Variants in LRP11 observed in about 807,000 individuals in gnomAD.
The protein encoded by LRP11 is low-density lipoprotein receptor-related protein 11.
A neutral mutation model predicts 43.1 loss-of-function variants in LRP11; 25 were observed. That is an observed-to-expected ratio of 0.58 (90% confidence interval 0.42 to 0.81). The LOEUF is 0.81. LRP11 is among the 30% of genes least tolerant of loss of function. The pLI is 0.00. For missense variants in LRP11, 623 were observed against 665.1 expected (o/e 0.94, Z 0.70); for synonymous variants, 316 against 299.4 (o/e 1.06, Z -0.57).
intron 2 of LRP11, among the ~76,000 whole-genome samples, chr6:149,851,874 G>T (rs1025117053): frequency 6.6e-6 from 1 of 152,154 alleles, no homozygotes; most frequent in African/African-American, 2.4e-5. Context: ...CCACATGGCT[G>T]GGGAGGCCTC....
At chr6:149,855,121 C>G (rs1294204465) in intron 1 of LRP11, among the ~76,000 whole-genome samples, 1 of 152,178 alleles carries the variant, frequency 6.6e-6, no homozygotes, top group East Asian at 1.9e-4. Flanking sequence ...CATCAGCAAC[C>G]AGAGCAGCCA....
At chr6:149,824,249 A>G (rs1352337334) in intron 6 of LRP11, among the ~76,000 whole-genome samples, 1 of 152,200 alleles carries the variant, frequency 6.6e-6, no homozygotes, top group Non-Finnish European at 1.5e-5. Flanking sequence ...GCCGGGGCTC[A>G]GGTTTAGCTA....
Position 149,843,195 on chromosome 6 carries a change from G to A in LRP11, c.772-71C>T, listed in dbSNP as rs183373140. ...TCCGAGCCCAACACCATCCTCAACC[G>A]AAAGTCCATGTCCTCAGAGCAGCCC... On this transcript the variant is annotated intron_variant, in intron 2 of 6. Coordinates refer to ENST00000239367, the MANE Select transcript of LRP11 (RefSeq NM_032832.6). The A allele has an allele frequency of 2.0e-4, 312 of 1,575,246 alleles. 1 individual carries two copies. In the African/African-American group the frequency reaches 3.8e-3, roughly 19 times the overall value.
Position 149,836,248 on chromosome 6 carries a change from C to T in LRP11, c.1089G>A (p.Leu363=), listed in dbSNP as rs1270776963. 3 of 1,614,076 alleles carry T rather than the reference C, an allele frequency of 1.9e-6. No individual in the cohort carries two copies. Among genetic ancestry groups the T allele is most frequent in the African/African-American group, 1.3e-5 (1 of 74,926 alleles). ...MVTHTAASPA[L]PRTTGPSEDA... Reference sequence around the variant, plus strand: ...CTTCACTCGGCCCTGTGGTTCTTGGCAGGGCAGGACTAGCTGCCGTGTGGG... The same window carrying T: ...CTTCACTCGGCCCTGTGGTTCTTGGTAGGGCAGGACTAGCTGCCGTGTGGG... Residue 363 remains leucine (L), a synonymous_variant, in exon 5 of 7, where the codon CTG becomes CTA. Transcript: ENST00000239367.
Position 149,836,219 on chromosome 6 carries a change from G to T in LRP11, c.1118C>A (p.Ala373Glu). 2 of 1,614,184 alleles carry T rather than the reference G, an allele frequency of 1.2e-6. No homozygotes were observed. The highest frequency in any genetic ancestry group is 1.7e-6 in the Non-Finnish European group (2 of 1,180,030). ...CTTTTCCACCAAGGAGTCACCCCCT[G>T]CATCTTCACTCGGCCCTGTGGTTCT... ...LPRTTGPSED[A>E]GGDSLVEKSQ... is the part of the protein sequence containing the mutation. The change falls in exon 5 of 7, where the codon GCA (alanine) becomes GAA (glutamate). Residue 373 changes from alanine to glutamate, a missense_variant. Physicochemically the swap from Ala to Glu is moderately radical, Grantham distance 107. Transcript: ENST00000239367.
chr6:149,835,955 G>T, intron 5 of LRP11, 130 bp downstream of exon 5: 1 of 844,448 alleles, frequency 1.2e-6, no homozygotes, highest in Non-Finnish European at 1.9e-6. Flanking sequence ...CGCCTTTCTG[G>T]CCAAATTCTT....
intron 5 of LRP11, among the ~76,000 whole-genome samples, chr6:149,832,452 T>C (rs1388964148): frequency 2.6e-5 from 4 of 151,996 alleles, no homozygotes; most frequent in African/African-American, 9.7e-5. Flanking sequence ...CCTCCCAAAG[T>C]GCTGGGATTA....
intron 6 of LRP11, among the ~76,000 whole-genome samples, chr6:149,821,999 A>G (rs1324622556): frequency 1.3e-5 from 2 of 152,200 alleles, no homozygotes; most frequent in Non-Finnish European, 2.9e-5. Context: ...CAACCACCAC[A>G]TAAGTTGGTG....
intron 3 of LRP11, among the ~76,000 whole-genome samples, chr6:149,838,972 C>A (rs1355741221): frequency 6.6e-6 from 1 of 151,710 alleles, no homozygotes; most frequent in Non-Finnish European, 1.5e-5. Flanking sequence ...GGGGAAGTGG[C>A]AGATTATATG....
chr6:149,849,863 T>A (rs765366842), intron 2 of LRP11, among the ~76,000 whole-genome samples: 2 of 152,226 alleles, frequency 1.3e-5, no homozygotes, highest in East Asian at 1.9e-4. Context: ...GTTTCATAAC[T>A]AATCTGACAG....
intron 2 of LRP11, among the ~76,000 whole-genome samples, chr6:149,845,053 CCGGTGTCCA>C (rs1305293854): frequency 6.6e-6 from 1 of 152,150 alleles, no homozygotes; most frequent in African/African-American, 2.4e-5. Context: ...AGCACAGAAC[CCGGTGTCCA>C]ATAGACATGG....
chr6:149,828,825 T>C (rs934723450), intron 5 of LRP11, among the ~76,000 whole-genome samples: 3 of 152,270 alleles, frequency 2.0e-5, no homozygotes, highest in Non-Finnish European at 4.4e-5. Flanking sequence ...ATTTTGAAGG[T>C]TCAATGTAAG....
At chr6:149,842,865 C>A in intron 3 of LRP11, 118 bp downstream of exon 3, 1 of 1,293,618 alleles carries the variant, frequency 7.7e-7, no homozygotes. Context: ...CTCTCTCATT[C>A]AGCAATAACC....
chr6:149,842,417 CCTA>C (rs752651006), intron 3 of LRP11: 172 of 566,944 alleles, frequency 3.0e-4, no homozygotes, highest in Non-Finnish European at 4.9e-4. Context: ...ACATTTAAAA[CCTA>C]CTGTTTTAGC....
At position 149,864,349 on chromosome 6, in the gene LRP11, G is replaced by A. The variant is rs1777007384; in HGVS notation, c.-329C>T. On this transcript the variant is annotated 5_prime_UTR_variant, in exon 1 of 7. Coordinates refer to ENST00000239367, the MANE Select transcript of LRP11 (RefSeq NM_032832.6). Reference sequence around the variant, plus strand: ...CTCGGCGTTGATCAGCACCAGGTGTGTGCGAACAGTGGCCGCGGCGGGGTG... The same window carrying A: ...CTCGGCGTTGATCAGCACCAGGTGTATGCGAACAGTGGCCGCGGCGGGGTG... 1.0e-6 allele frequency: 1 copy of A among 1,002,460 alleles called. No individual in the cohort carries two copies. Among genetic ancestry groups the A allele is most frequent in the African/African-American group, 1.7e-5 (1 of 57,876 alleles). 62.1% of individuals were successfully genotyped at this position (1,002,460 alleles called of 1,614,324 possible).
chr6:149,847,824 TACACACACACAC>T (rs57292379), intron 2 of LRP11, among the ~76,000 whole-genome samples: 4,900 of 131,058 alleles, frequency 0.037, 123 homozygotes, highest in South Asian at 0.11. Flanking sequence ...TAAACTAAAT[TACACACACACAC>T]ACACACACAC....
chr6:149,859,678 G>A (rs1049007144), intron 1 of LRP11, among the ~76,000 whole-genome samples: 10 of 151,964 alleles, frequency 6.6e-5, no homozygotes, highest in African/African-American at 2.2e-4. Context: ...TTACAGGTGT[G>A]AGCCACTGTG....
chr6:149,844,932 G>C (rs1776609979), intron 2 of LRP11, among the ~76,000 whole-genome samples: 1 of 152,192 alleles, frequency 6.6e-6, no homozygotes, highest in South Asian at 2.1e-4. Context: ...CAGCCTCAGA[G>C]AGTCAGAGTC....
intron 5 of LRP11, among the ~76,000 whole-genome samples, chr6:149,833,059 C>T (rs1028694419): frequency 1.4e-4 from 22 of 152,098 alleles, no homozygotes; most frequent in Non-Finnish European, 2.2e-4. Flanking sequence ...CCGCCTGCCT[C>T]GGCCTCCCAA....
Sources: gnomAD v4.1 joint callset for allele counts (sites outside exome capture counted in the v4.1 genomes callset) on GRCh38, gnomAD v4.1.1 for gene constraint, MANE v1.5 for transcripts, NCBI Gene and HGNC (gene_info 2026-07-23, HGNC 2026-07-21) for gene names.